UBE2E3: variants seen among roughly 807,000 people sequenced by gnomAD.
UBE2E3 encodes ubiquitin conjugating enzyme E2 E3.
UBE2E3 carries 5 observed loss-of-function variants against 23.6 expected under a neutral mutation model. The observed-to-expected ratio is 0.21, with a 90% confidence interval of 0.11 to 0.44. The LOEUF (loss-of-function observed/expected upper bound fraction) is 0.44, where lower values mean the gene tolerates loss of function less well. Among genes scored for constraint, UBE2E3 ranks in the 20% least tolerant of loss-of-function variants. The pLI, the probability that UBE2E3 is intolerant of heterozygous loss-of-function variation, is 0.99. For missense variants in UBE2E3, 81 were observed against 249.8 expected, an observed-to-expected ratio of 0.32 and a Z score of 4.55; for synonymous variants, 78 against 87.5, an observed-to-expected ratio of 0.89 and a Z score of 0.60.
intron 3 of UBE2E3, among the ~76,000 whole-genome samples, chr2:181,034,865 GAATTTGAAA>G (rs1271486565): frequency 6.6e-6 from 1 of 152,002 alleles, no homozygotes; most frequent in Admixed American, 6.6e-5. Context: ...AAAAAAATTA[GAATTTGAAA>G]AATTTGAAGA....
chr2:181,042,891 C>T (rs1442715142), intron 3 of UBE2E3, among the ~76,000 whole-genome samples: 1 of 152,202 alleles, frequency 6.6e-6, no homozygotes, highest in Non-Finnish European at 1.5e-5. Context: ...CAACGTCACA[C>T]ATCTGGTAAA....
intron 3 of UBE2E3, among the ~76,000 whole-genome samples, chr2:181,005,610 A>T (rs1175672306): frequency 6.6e-6 from 1 of 151,596 alleles, no homozygotes; most frequent in African/African-American, 2.4e-5. Context: ...GGTTCACTTA[A>T]CTAATTTATA....
chr2:181,024,594 G>T (rs762194273), intron 3 of UBE2E3, among the ~76,000 whole-genome samples: 1 of 152,014 alleles, frequency 6.6e-6, no homozygotes, highest in African/African-American at 2.4e-5. Flanking sequence ...ATGGTGATGT[G>T]CTATGTAGAT....
chr2:180,987,238 T>C (rs1248897689), intron 3 of UBE2E3: 15 of 1,300,792 alleles, frequency 1.2e-5, no homozygotes, highest in Non-Finnish European at 1.5e-5. Flanking sequence ...CAAGGGAAAT[T>C]GTGTTATGGG....
intron 3 of UBE2E3, 81 bp from the exon 4 acceptor site, chr2:181,057,612 C>G: frequency 8.1e-7 from 1 of 1,235,484 alleles, no homozygotes; most frequent in Non-Finnish European, 1.1e-6. Context: ...GCTAATTTAC[C>G]TTTAACACTT....
intron 3 of UBE2E3, among the ~76,000 whole-genome samples, chr2:181,022,797 C>G (rs1241766358): frequency 2.0e-5 from 3 of 152,042 alleles, no homozygotes; most frequent in Non-Finnish European, 4.4e-5. Flanking sequence ...CAGAGTGCTG[C>G]CTTGTTCAAC....
At chr2:180,990,972 G>C (rs1684636503) in intron 3 of UBE2E3, among the ~76,000 whole-genome samples, 1 of 152,140 alleles carries the variant, frequency 6.6e-6, no homozygotes, top group Non-Finnish European at 1.5e-5. Flanking sequence ...TGATGTGTTT[G>C]TGGTACTTTA....
chr2:180,987,493 A>C, intron 3 of UBE2E3: 1 of 1,330,620 alleles, frequency 7.5e-7, no homozygotes, highest in Non-Finnish European at 1.0e-6. Flanking sequence ...GATTGAATCT[A>C]TACTGGAGAT....
chr2:181,006,729 T>C (rs1310517356), intron 3 of UBE2E3, among the ~76,000 whole-genome samples: 1 of 152,146 alleles, frequency 6.6e-6, no homozygotes, highest in African/African-American at 2.4e-5. Flanking sequence ...TTGACAACCC[T>C]CTCTGGGTCC....
chr2:181,034,448 G>C (rs944016122), intron 3 of UBE2E3, among the ~76,000 whole-genome samples: 3 of 152,152 alleles, frequency 2.0e-5, no homozygotes, highest in African/African-American at 7.2e-5. Flanking sequence ...AACACCACAG[G>C]TTCTCACTCA....
intron 3 of UBE2E3, among the ~76,000 whole-genome samples, chr2:181,017,240 G>A (rs1299978217): frequency 6.6e-6 from 1 of 152,208 alleles, no homozygotes; most frequent in African/African-American, 2.4e-5. Flanking sequence ...TTACATTAAA[G>A]TGGGATACAG....
chr2:181,024,746 G>T (rs1685825042), intron 3 of UBE2E3, among the ~76,000 whole-genome samples: 1 of 151,882 alleles, frequency 6.6e-6, no homozygotes, highest in Non-Finnish European at 1.5e-5. Context: ...TTTTATAAAG[G>T]TATTGATGTA....
chr2:180,983,650 AAAGTCACTTC>A (rs1409298838), intron 2 of UBE2E3, among the ~76,000 whole-genome samples: 1 of 152,250 alleles, frequency 6.6e-6, no homozygotes, highest in African/African-American at 2.4e-5. Context: ...TACCTCAGTA[AAAGTCACTTC>A]AAGTCCTTGT....
intron 4 of UBE2E3, among the ~76,000 whole-genome samples, chr2:181,059,699 A>C (rs1169892904): frequency 6.6e-6 from 1 of 151,626 alleles, no homozygotes; most frequent in African/African-American, 2.4e-5. Flanking sequence ...GTATATGCAC[A>C]TGTAACTAGT....
intron 3 of UBE2E3, among the ~76,000 whole-genome samples, chr2:181,014,207 C>A (rs1000581434): frequency 1.3e-5 from 2 of 152,028 alleles, no homozygotes; most frequent in Non-Finnish European, 2.9e-5. Context: ...TTTTTGTTTT[C>A]AATGGTTGTG....
chr2:181,062,175 G>A (rs182924488), intron 5 of UBE2E3, among the ~76,000 whole-genome samples: 5,958 of 150,748 alleles, frequency 0.04, 223 homozygotes, highest in African/African-American at 0.094. Context: ...AAGGAAGATA[G>A]TTTTTTTTTA....
At chr2:181,034,286 A>T (rs13431923) in intron 3 of UBE2E3, among the ~76,000 whole-genome samples, 243 of 152,370 alleles carry the variant, frequency 1.6e-3, no homozygotes, top group African/African-American at 5.4e-3. Context: ...CCAAATGTCC[A>T]TCAATGATAG....
intron 3 of UBE2E3, among the ~76,000 whole-genome samples, chr2:181,004,733 T>G (rs1391085946): frequency 6.6e-6 from 1 of 152,230 alleles, no homozygotes; most frequent in Admixed American, 6.5e-5. Flanking sequence ...TGCACATGCT[T>G]ACAGCATGTT....
intron 3 of UBE2E3, among the ~76,000 whole-genome samples, chr2:181,039,151 A>G (rs62181567): frequency 0.24 from 30,234 of 124,942 alleles, 3,817 homozygotes; most frequent in Non-Finnish European, 0.3. Flanking sequence ...TTTTTTTTGG[A>G]AATAGGGTCA....
Sources: gnomAD v4.1 joint callset for allele counts (sites outside exome capture counted in the v4.1 genomes callset) on GRCh38, gnomAD v4.1.1 for gene constraint, MANE v1.5 for transcripts, NCBI Gene and HGNC (gene_info 2026-07-23, HGNC 2026-07-21) for gene names.